Variants in RABGAP1 observed in about 807,000 individuals in gnomAD.
RABGAP1 encodes the protein RAB GTPase activating protein 1.
RABGAP1 carries 23 observed loss-of-function variants against 137.6 expected under a neutral mutation model. That is an observed-to-expected ratio of 0.17 (90% CI 0.12 to 0.24). RABGAP1 has a LOEUF of 0.24. Among genes scored for constraint, RABGAP1 ranks in the 10% least tolerant of loss-of-function variants. The probability of loss-of-function intolerance (pLI) is 1.00; values close to 1 mark genes in which losing one functional copy is unlikely to be tolerated. For missense variants in RABGAP1, 906 were observed against 1,275.8 expected (o/e 0.71, Z 4.42); for synonymous variants, 451 against 450.7 (o/e 1.00, Z -0.01).
chr9:123,080,087 G>T (rs910870001), intron 19 of RABGAP1, among the ~76,000 whole-genome samples: 5 of 152,174 alleles, frequency 3.3e-5, no homozygotes, highest in Non-Finnish European at 7.4e-5. Context: ...TTACCTTTTG[G>T]ATTCCCATTA....
intron 13 of RABGAP1, among the ~76,000 whole-genome samples, chr9:123,045,448 C>T (rs1379208475): frequency 6.6e-6 from 1 of 152,108 alleles, no homozygotes; most frequent in Non-Finnish European, 1.5e-5. Flanking sequence ...CTAAGTCATT[C>T]CTACTTAAGT....
chr9:123,020,593 C>A, intron 13 of RABGAP1, 134 bp downstream of exon 13: 2 of 954,560 alleles, frequency 2.1e-6, no homozygotes, highest in South Asian at 4.4e-5. Flanking sequence ...ATACTTCCAG[C>A]TCTAACATGT....
At chr9:123,086,422 A>C (rs1162925472) in intron 19 of RABGAP1, among the ~76,000 whole-genome samples, 1 of 152,230 alleles carries the variant, frequency 6.6e-6, no homozygotes, top group African/African-American at 2.4e-5. Flanking sequence ...GAAGACATTC[A>C]TAATGTCATA....
At chr9:122,970,239 T>C (rs1448409961) in intron 2 of RABGAP1, among the ~76,000 whole-genome samples, 1 of 152,146 alleles carries the variant, frequency 6.6e-6, no homozygotes. Context: ...GTTTCTGTTT[T>C]AATGCTAACA....
chr9:123,059,541 C>T lies in RABGAP1; in HGVS notation c.1795-5807C>T, dbSNP rs564393256. ...CTGCACTCCAGCCTGGGTGACAGAG[C>T]GATACTCCGTCTCAAAATAAATAAA... On this transcript the variant is annotated intron_variant, in intron 13 of 25. Transcript: ENST00000373647. Among the ~76,000 whole-genome samples the T allele has an allele frequency of 4.6e-5, 7 of 152,000 alleles. No individual in the cohort carries two copies. The East Asian group carries it at 5.8e-4, about 13-fold the overall frequency.
intron 21 of RABGAP1, among the ~76,000 whole-genome samples, chr9:123,090,796 TACCTCAGCA>T (rs2035011109): frequency 6.6e-6 from 1 of 152,236 alleles, no homozygotes; most frequent in South Asian, 2.1e-4. Context: ...TGCAGCTCAG[TACCTCAGCA>T]ACTTGCAGTT....
intron 13 of RABGAP1, among the ~76,000 whole-genome samples, chr9:123,037,913 T>C (rs2032749564): frequency 6.6e-6 from 1 of 152,184 alleles, no homozygotes; most frequent in South Asian, 2.1e-4. Context: ...AAAAAAAATG[T>C]ATTTTTAGAT....
intron 17 of RABGAP1, among the ~76,000 whole-genome samples, chr9:123,075,472 G>A (rs943664453): frequency 6.6e-6 from 1 of 152,126 alleles, no homozygotes; most frequent in Non-Finnish European, 1.5e-5. Context: ...CACTCAGCTT[G>A]AAATATTCTA....
At chr9:123,067,316 A>T (rs946802373) in intron 14 of RABGAP1, among the ~76,000 whole-genome samples, 3 of 152,208 alleles carry the variant, frequency 2.0e-5, no homozygotes, top group Admixed American at 6.5e-5. Flanking sequence ...ACAGGCCAGT[A>T]TCTTACATTG....
At chr9:122,943,302 C>T (rs986308918) in intron 1 of RABGAP1, among the ~76,000 whole-genome samples, 2 of 152,016 alleles carry the variant, frequency 1.3e-5, no homozygotes, top group Non-Finnish European at 2.9e-5. Context: ...CTCCTGACCT[C>T]AGGTGATCCA....
chr9:123,045,424 G>A (rs1320250711), intron 13 of RABGAP1, among the ~76,000 whole-genome samples: 1 of 152,102 alleles, frequency 6.6e-6, no homozygotes, highest in Non-Finnish European at 1.5e-5. Context: ...TTCGTGGTAT[G>A]TATTCGTAGG....
chr9:122,945,146 G>GATTTTTTTTTTTTT (rs1564348056), intron 1 of RABGAP1, among the ~76,000 whole-genome samples: 1 of 9,182 alleles, frequency 1.1e-4, no homozygotes, highest in African/African-American at 1.7e-4. Flanking sequence ...CATAGCTGTT[G>GATTTTTTTTTTTTT]CTTTTTTTTT....
chr9:122,965,171 A>G (rs1410448627), intron 2 of RABGAP1, among the ~76,000 whole-genome samples: 1 of 152,224 alleles, frequency 6.6e-6, no homozygotes, highest in Non-Finnish European at 1.5e-5. Flanking sequence ...AAATACTGAT[A>G]CATGCTACTA....
At chr9:123,101,871 A>G in intron 25 of RABGAP1, 108 bp downstream of exon 25, 1 of 1,188,794 alleles carries the variant, frequency 8.4e-7, no homozygotes, top group Admixed American at 3.3e-5. Flanking sequence ...CACCTTTTAA[A>G]CTTTGGTCAC....
At chr9:123,024,407 T>C (rs2131947564) in intron 13 of RABGAP1, among the ~76,000 whole-genome samples, 1 of 152,170 alleles carries the variant, frequency 6.6e-6, no homozygotes, top group African/African-American at 2.4e-5. Flanking sequence ...TAATTTTTAC[T>C]ATCAGTGGAT....
At chr9:123,052,085 G>A (rs989690878) in intron 13 of RABGAP1, among the ~76,000 whole-genome samples, 37 of 151,552 alleles carry the variant, frequency 2.4e-4, no homozygotes, top group African/African-American at 7.3e-4. Flanking sequence ...GATTACAGGC[G>A]TGAGCCACCA....
chr9:123,044,391 T>A (rs908102009), intron 13 of RABGAP1, among the ~76,000 whole-genome samples: 3 of 152,196 alleles, frequency 2.0e-5, no homozygotes, highest in Non-Finnish European at 4.4e-5. Context: ...TCTCATTTAA[T>A]CCCCCTAGAA....
At chr9:123,069,477 C>T (rs1358299185) in intron 14 of RABGAP1, among the ~76,000 whole-genome samples, 1 of 152,040 alleles carries the variant, frequency 6.6e-6, no homozygotes, top group African/African-American at 2.4e-5. Flanking sequence ...GTGGCTCACG[C>T]CTGTAATCCT....
Sources: allele counts gnomAD v4.1 joint callset (sites outside exome capture counted in the v4.1 genomes callset), GRCh38; gene constraint gnomAD v4.1.1; transcripts MANE v1.5; gene names NCBI Gene and HGNC (gene_info 2026-07-23, HGNC 2026-07-21).